PPP2R2B: variants seen among roughly 807,000 people sequenced by gnomAD.
The protein encoded by PPP2R2B is protein phosphatase 2 regulatory subunit Bbeta, also known as serine/threonine-protein phosphatase 2A 55 kDa regulatory subunit B beta isoform.
PPP2R2B carries 5 observed loss-of-function variants against 46.0 expected under a neutral mutation model. The observed-to-expected ratio is 0.11, with a 90% CI of 0.06 to 0.23. The LOEUF is 0.23. Ranked by LOEUF, PPP2R2B falls within the 10% of genes least tolerant of loss-of-function variation. The probability of loss-of-function intolerance (pLI) is 1.00; values close to 1 mark genes in which losing one functional copy is unlikely to be tolerated. For synonymous variants in PPP2R2B, 215 were observed against 206.7 expected (o/e 1.04, Z -0.34); for missense variants, 367 against 575.0 (o/e 0.64, Z 3.70).
intron 1 of PPP2R2B, among the ~76,000 whole-genome samples, chr5:147,036,136 C>A (rs1580837422): frequency 6.6e-6 from 1 of 152,146 alleles, no homozygotes; most frequent in African/African-American, 2.4e-5. Flanking sequence ...AATCCATTAG[C>A]TATTTTCTTC....
At chr5:146,829,229 T>C (rs539402445) in intron 2 of PPP2R2B, among the ~76,000 whole-genome samples, 6 of 152,316 alleles carry the variant, frequency 3.9e-5, no homozygotes, top group African/African-American at 1.4e-4. Context: ...TCTTGTTTTT[T>C]AAAAAATTAT....
intron 2 of PPP2R2B, among the ~76,000 whole-genome samples, chr5:146,858,156 T>C (rs1760786583): frequency 6.6e-6 from 1 of 152,186 alleles, no homozygotes; most frequent in Non-Finnish European, 1.5e-5. Flanking sequence ...CACCTGGGCT[T>C]AGAGAGGTTA....
intron 1 of PPP2R2B, among the ~76,000 whole-genome samples, chr5:146,884,825 A>C (rs1466744772): frequency 6.6e-6 from 1 of 152,206 alleles, no homozygotes; most frequent in Non-Finnish European, 1.5e-5. Context: ...ACCTGACTAC[A>C]TTGCTCAAAG....
At chr5:146,986,769 G>C (rs1200640525) in intron 1 of PPP2R2B, among the ~76,000 whole-genome samples, 1 of 152,144 alleles carries the variant, frequency 6.6e-6, no homozygotes, top group Non-Finnish European at 1.5e-5. Flanking sequence ...AGCTATATAA[G>C]ATAGTATCAA....
Position 146,733,865 on chromosome 5 carries a change from T to TAGC in PPP2R2B, c.71-32726_71-32724dup, listed in dbSNP as rs1209134539. ...TTGTATTGAATTTGAGTCATGACAA[T>TAGC]AGCAGCAGCAGCAGTAGTAGTGGTG... is the stretch of plus-strand genomic sequence containing the variant. On this transcript the variant is annotated intron_variant, in intron 2 of 9. Coordinates refer to ENST00000394411, the MANE Select transcript of PPP2R2B (RefSeq NM_181675.4). Among the ~76,000 whole-genome samples the TAGC allele has an allele frequency of 8.5e-5, 13 of 152,224 alleles. No individual in the cohort carries two copies. In the East Asian group the frequency reaches 2.5e-3, roughly 29 times the overall value.
intron 2 of PPP2R2B, among the ~76,000 whole-genome samples, chr5:146,846,795 T>C (rs1435551246): frequency 6.6e-6 from 1 of 152,216 alleles, no homozygotes; most frequent in East Asian, 1.9e-4. Context: ...GTCTAGAATA[T>C]TCCTCTATTC....
At chr5:146,999,609 C>G (rs747574831) in intron 1 of PPP2R2B, among the ~76,000 whole-genome samples, 1 of 152,152 alleles carries the variant, frequency 6.6e-6, no homozygotes, top group South Asian at 2.1e-4. Context: ...GGCTTCTTCT[C>G]TATTTGATTG....
intron 5 of PPP2R2B, among the ~76,000 whole-genome samples, chr5:146,682,237 A>G (rs1189982416): frequency 6.6e-6 from 1 of 152,220 alleles, no homozygotes; most frequent in Non-Finnish European, 1.5e-5. Context: ...AGTCAGTACA[A>G]AGGCAGATTC....
chr5:146,850,481 G>C (rs1256838975), intron 2 of PPP2R2B, among the ~76,000 whole-genome samples: 2 of 152,110 alleles, frequency 1.3e-5, no homozygotes, highest in South Asian at 4.1e-4. Flanking sequence ...TGTCCATCCT[G>C]TGGGAACTTA....
chr5:146,599,603 C>A (rs980346388), intron 8 of PPP2R2B, among the ~76,000 whole-genome samples: 1 of 152,168 alleles, frequency 6.6e-6, no homozygotes, highest in Non-Finnish European at 1.5e-5. Flanking sequence ...GGTGTAAGCA[C>A]CCTGAACACA....
chr5:146,904,165 G>A (rs1762927248), intron 1 of PPP2R2B, among the ~76,000 whole-genome samples: 1 of 152,050 alleles, frequency 6.6e-6, no homozygotes, highest in African/African-American at 2.4e-5. Context: ...TATTGTATTT[G>A]TTCTTGAGTT....
intron 2 of PPP2R2B, among the ~76,000 whole-genome samples, chr5:146,788,115 G>A (rs149912206): frequency 1.7e-4 from 26 of 152,182 alleles, no homozygotes; most frequent in African/African-American, 5.3e-4. Flanking sequence ...CGTTGTGTGA[G>A]CATTTGCGCA....
chr5:147,005,855 C>G (rs996054430), intron 1 of PPP2R2B, among the ~76,000 whole-genome samples: 2 of 152,070 alleles, frequency 1.3e-5, no homozygotes, highest in Non-Finnish European at 2.9e-5. Context: ...AACAGTGTAC[C>G]CTATTCCTTT....
At chr5:146,748,586 A>C (rs563836072) in intron 2 of PPP2R2B, among the ~76,000 whole-genome samples, 1 of 152,242 alleles carries the variant, frequency 6.6e-6, no homozygotes, top group African/African-American at 2.4e-5. Flanking sequence ...AATGGAGAAC[A>C]GATTAGTGGT....
intron 2 of PPP2R2B, among the ~76,000 whole-genome samples, chr5:146,829,544 G>A (rs161021): frequency 0.9 from 137,174 of 152,236 alleles, 61,936 homozygotes; most frequent in African/African-American, 0.94. Context: ...GTGATGGGGA[G>A]CACTCTGCTG....
chr5:146,787,544 GC>G (rs1487662593), intron 2 of PPP2R2B, among the ~76,000 whole-genome samples: 2 of 148,588 alleles, frequency 1.3e-5, no homozygotes, highest in South Asian at 2.2e-4. Context: ...CTCCCCTCTC[GC>G]CTCTCCCCTC....
chr5:146,653,108 T>C (rs1428978133), intron 5 of PPP2R2B, among the ~76,000 whole-genome samples: 1 of 152,120 alleles, frequency 6.6e-6, no homozygotes, highest in Non-Finnish European at 1.5e-5. Context: ...TAGGTACTCA[T>C]ACAAACAGAA....
intron 2 of PPP2R2B, among the ~76,000 whole-genome samples, chr5:146,801,878 C>CA (rs1195572673): frequency 1.3e-5 from 2 of 152,130 alleles, no homozygotes; most frequent in African/African-American, 4.8e-5. Context: ...GAGCTAAGCC[C>CA]AAATTCGAAG....
chr5:146,621,592 A>G (rs1225809771), intron 7 of PPP2R2B, among the ~76,000 whole-genome samples: 1 of 152,186 alleles, frequency 6.6e-6, no homozygotes, highest in Non-Finnish European at 1.5e-5. Context: ...CACCAACCAC[A>G]GAGAATTAAC....
Sources: allele counts gnomAD v4.1 joint callset (sites outside exome capture counted in the v4.1 genomes callset), GRCh38; gene constraint gnomAD v4.1.1; transcripts MANE v1.5; gene names NCBI Gene and HGNC (gene_info 2026-07-23, HGNC 2026-07-21).